The following STK32C variants were observed in gnomAD, a reference collection of about 807,000 sequenced individuals.
The protein encoded by STK32C is serine/threonine-protein kinase 32C.
In STK32C, 31 loss-of-function variants were observed where a neutral mutation model predicts 56.5. The ratio of observed to expected loss-of-function variants is 0.55; its 90% confidence interval spans 0.41 to 0.74. STK32C has a LOEUF of 0.74. Ranked by LOEUF, STK32C falls within the 30% of genes least tolerant of loss-of-function variation. The pLI is 0.00. For missense variants in STK32C, 544 were observed against 676.9 expected, an observed-to-expected ratio of 0.80 and a Z score of 2.18; for synonymous variants, 309 against 289.4, an observed-to-expected ratio of 1.07 and a Z score of -0.69.
At chr10:132,244,843 C>T (rs945689920) in intron 2 of STK32C, among the ~76,000 whole-genome samples, 1 of 152,194 alleles carries the variant, frequency 6.6e-6, no homozygotes, top group Non-Finnish European at 1.5e-5. Flanking sequence ...CAGCCCTGAG[C>T]GTCTCTGACG....
intron 1 of STK32C, among the ~76,000 whole-genome samples, chr10:132,301,642 C>T (rs1016600707): frequency 1.3e-5 from 2 of 152,240 alleles, no homozygotes; most frequent in Non-Finnish European, 2.9e-5. Context: ...ACAGATGCCG[C>T]ATCCCAGTGT....
chr10:132,254,020 T>A (rs1300881247), intron 1 of STK32C, among the ~76,000 whole-genome samples: 1 of 152,218 alleles, frequency 6.6e-6, no homozygotes, highest in Non-Finnish European at 1.5e-5. Context: ...TAAAACCTAG[T>A]CTTTTCAGGC....
chr10:132,219,836 G>A (rs1283735343), intron 10 of STK32C, among the ~76,000 whole-genome samples: 1 of 152,126 alleles, frequency 6.6e-6, no homozygotes, highest in Non-Finnish European at 1.5e-5. Context: ...CCCGTCTTCT[G>A]CCCAGGAGCA....
chr10:132,249,019 G>A (rs1378774577), intron 1 of STK32C: 6 of 467,864 alleles, frequency 1.3e-5, no homozygotes, highest in South Asian at 3.1e-5. Flanking sequence ...GGTCACCTGC[G>A]CCCTGCACAC....
chr10:132,222,912 C>T lies in STK32C; in HGVS notation c.1068G>A (p.Val356=). 1 of 1,564,654 alleles carries T rather than the reference C, an allele frequency of 6.4e-7. No individual in the cohort carries two copies. Among genetic ancestry groups the T allele is most frequent in the Non-Finnish European group, 8.6e-7 (1 of 1,158,590 alleles). ...DVQAAPALAG[V]LWDHLSEKRV... ...TCTTCTCGCTCAGGTGGTCCCACAG[C>T]ACGCCGGCCAGCGCCGGGGCTGCCT... Residue 356 remains valine (V), a synonymous_variant, in exon 9 of 12, where the codon GTG becomes GTA. Transcript: ENST00000298630.
intron 2 of STK32C, among the ~76,000 whole-genome samples, chr10:132,236,228 C>T (rs1291015994): frequency 6.6e-6 from 1 of 152,246 alleles, no homozygotes; most frequent in African/African-American, 2.4e-5. Context: ...CTGCGCACGG[C>T]CTGGTCAGCG....
At chr10:132,213,001 G>A (rs774411986) in intron 10 of STK32C, among the ~76,000 whole-genome samples, 27 of 152,224 alleles carry the variant, frequency 1.8e-4, no homozygotes, top group Non-Finnish European at 3.1e-4. Context: ...GAACTCCTGC[G>A]GCTGCGGTCT....
At chr10:132,286,929 C>T (rs936086476) in intron 1 of STK32C, among the ~76,000 whole-genome samples, 6 of 152,112 alleles carry the variant, frequency 3.9e-5, no homozygotes, top group African/African-American at 7.2e-5. Context: ...AAGAAAGCAG[C>T]GAAATTGTCT....
chr10:132,266,114 T>C (rs1325708724), intron 1 of STK32C, among the ~76,000 whole-genome samples: 1 of 152,256 alleles, frequency 6.6e-6, no homozygotes, highest in African/African-American at 2.4e-5. Flanking sequence ...AGAAATTATG[T>C]TATATCCATA....
chr10:132,301,993 T>C (rs2065923911), intron 1 of STK32C, among the ~76,000 whole-genome samples: 1 of 152,164 alleles, frequency 6.6e-6, no homozygotes. Context: ...TGGCACCGCC[T>C]GGGGCCGGCT....
chr10:132,307,512 A>C lies in STK32C; in HGVS notation c.262+60T>G. Reference sequence around the variant, plus strand: ...GAACCCCTGCGGGAAAAAGCCGCCCAGCCGCGCCCGCCCCTGCAATAGCGC... The same window carrying C: ...GAACCCCTGCGGGAAAAAGCCGCCCCGCCGCGCCCGCCCCTGCAATAGCGC... On this transcript the variant is annotated intron_variant, in intron 1 of 11. Transcript: ENST00000298630. The surrounding 1 kb of genome is among the most constrained non-coding windows in gnomAD (Gnocchi z 4.4). 1 of 1,475,826 alleles carries C rather than the reference A, an allele frequency of 6.8e-7. No homozygotes were observed. 91.4% of individuals were successfully genotyped at this position (1,475,826 alleles called of 1,614,324 possible). A position where few individuals can be genotyped will look rare whatever the true frequency, so the allele number is the denominator to read the frequency against.
intron 1 of STK32C, among the ~76,000 whole-genome samples, chr10:132,295,087 C>T (rs868056840): frequency 5.3e-5 from 8 of 152,288 alleles, no homozygotes; most frequent in Middle Eastern, 3.4e-3. Context: ...ACACGCCCAC[C>T]GGCAGTGCAC....
intron 2 of STK32C, among the ~76,000 whole-genome samples, chr10:132,235,548 C>T (rs1025520261): frequency 6.7e-5 from 8 of 118,852 alleles, no homozygotes; most frequent in African/African-American, 2.5e-4. Context: ...GAAATATGAA[C>T]TAAAATCTTT....
intron 1 of STK32C, among the ~76,000 whole-genome samples, chr10:132,318,140 C>A (rs1284955053): frequency 6.6e-6 from 1 of 150,698 alleles, no homozygotes; most frequent in Non-Finnish European, 1.5e-5. Flanking sequence ...TGGTGGCAGG[C>A]GCCTGTAGTC....
intron 1 of STK32C, among the ~76,000 whole-genome samples, chr10:132,300,795 A>G (rs1171365302): frequency 1.3e-5 from 2 of 152,212 alleles, no homozygotes; most frequent in Non-Finnish European, 2.9e-5. Context: ...AGAGCCGAAC[A>G]AGGCGGCATC....
intron 10 of STK32C, among the ~76,000 whole-genome samples, chr10:132,210,324 T>C (rs141846666): frequency 3.3e-5 from 5 of 152,230 alleles, no homozygotes; most frequent in African/African-American, 9.6e-5. Flanking sequence ...TGGCGTGATC[T>C]TGGCTCACTG....
intron 1 of STK32C, among the ~76,000 whole-genome samples, chr10:132,271,176 CT>C (rs1165470395): frequency 2.0e-5 from 3 of 152,188 alleles, no homozygotes; most frequent in African/African-American, 4.8e-5. Context: ...GCCGGCACCC[CT>C]GACCCATGGC....
chr10:132,237,594 T>C (rs199677917), intron 2 of STK32C, among the ~76,000 whole-genome samples: 2 of 152,204 alleles, frequency 1.3e-5, no homozygotes, highest in East Asian at 3.9e-4. Flanking sequence ...CCTGCAGTGG[T>C]GGCGGAGGTG....
intron 1 of STK32C, among the ~76,000 whole-genome samples, chr10:132,286,416 C>T (rs918739887): frequency 3.3e-5 from 5 of 152,200 alleles, no homozygotes; most frequent in African/African-American, 1.2e-4. Context: ...GAGAACACCG[C>T]TCAACTCATT....
Sources: gnomAD v4.1 joint callset for allele counts (sites outside exome capture counted in the v4.1 genomes callset) on GRCh38, gnomAD v4.1.1 for gene constraint, Gnocchi (gnomAD v3.1) non-coding constraint, MANE v1.5 for transcripts, NCBI Gene and HGNC (gene_info 2026-07-23, HGNC 2026-07-21) for gene names.